The following CAMTA1 variants were observed in gnomAD, a reference collection of about 807,000 sequenced individuals.
CAMTA1 encodes calmodulin binding transcription activator 1.
Under a neutral mutation model 170.9 loss-of-function variants are expected in CAMTA1, and 27 were observed. The ratio of observed to expected loss-of-function variants is 0.16; its 90% CI spans 0.12 to 0.22. The LOEUF (loss-of-function observed/expected upper bound fraction) is 0.22. CAMTA1 is among the 10% of genes least tolerant of loss of function. CAMTA1 has a pLI of 1.00. For missense variants in CAMTA1, 1,619 were observed against 2,217.2 expected, an observed-to-expected ratio of 0.73 and a Z score of 5.42; for synonymous variants, 833 against 891.5, an observed-to-expected ratio of 0.93 and a Z score of 1.17.
rs556242342 is a variant in CAMTA1, at chr1:7,145,367, A to G, written c.302+53996A>G. Among the ~76,000 whole-genome samples, 3 of 152,342 alleles carry G rather than the reference A, an allele frequency of 2.0e-5. No individual in the cohort carries two copies. In the South Asian group the frequency reaches 6.2e-4, roughly 32 times the overall value. On this transcript the variant is annotated intron_variant, in intron 4 of 22. Transcript: ENST00000303635. ...ATGGAAACTACTAAAGACTTCAAAA[A>G]AGGGTTTAATTCAATGTGAGGTTCT...
chr1:7,741,153 G>A (rs2096810123), intron 16 of CAMTA1, among the ~76,000 whole-genome samples: 2 of 152,224 alleles, frequency 1.3e-5, no homozygotes, highest in Non-Finnish European at 2.9e-5. Flanking sequence ...AAACCAGGGA[G>A]TGTAGGGAAA....
At chr1:7,047,253 C>T (rs184004861) in intron 3 of CAMTA1, among the ~76,000 whole-genome samples, 1 of 152,302 alleles carries the variant, frequency 6.6e-6, no homozygotes, top group Non-Finnish European at 1.5e-5. Context: ...GTTATTGTTA[C>T]TGCAGTATAA....
At chr1:7,129,381 T>C (rs1186029451) in intron 4 of CAMTA1, among the ~76,000 whole-genome samples, 1 of 152,122 alleles carries the variant, frequency 6.6e-6, no homozygotes, top group Non-Finnish European at 1.5e-5. Flanking sequence ...CAGGTTGCTG[T>C]CTCTCTCTCC....
intron 11 of CAMTA1, among the ~76,000 whole-genome samples, chr1:7,728,525 T>A (rs1444632019): frequency 6.6e-6 from 1 of 152,204 alleles, no homozygotes; most frequent in Non-Finnish European, 1.5e-5. Context: ...GTTAACCAGA[T>A]GCAAGATTTG....
At chr1:7,324,209 C>A (rs1678920203) in intron 5 of CAMTA1, among the ~76,000 whole-genome samples, 1 of 152,084 alleles carries the variant, frequency 6.6e-6, no homozygotes, top group South Asian at 2.1e-4. Flanking sequence ...TTGTAACTTC[C>A]TCTTGAATAT....
Position 6,785,544 on chromosome 1 carries a change from AG to A in CAMTA1, c.18del (p.Lys7AsnfsTer31). The A allele has an allele frequency of 9.3e-7, 1 of 1,073,068 alleles. No individual in the cohort carries two copies. Among genetic ancestry groups the A allele is most frequent in the Non-Finnish European group, 1.1e-6 (1 of 871,788 alleles). 66.5% of individuals were successfully genotyped at this position (1,073,068 alleles called of 1,614,324 possible). ...AGGAGGAGGAGGATGTGGCGCGCGG[AG>A]GGGAAATGGCTGCCGAAAACAAGCC... MWRA[E>X]GKWLPKTSRK... On this transcript the variant is annotated frameshift_variant, in exon 1 of 23. Coordinates refer to ENST00000303635, the MANE Select transcript of CAMTA1 (RefSeq NM_015215.4). LOFTEE classifies it high-confidence loss of function.
intron 4 of CAMTA1, among the ~76,000 whole-genome samples, chr1:7,097,969 C>G (rs530977922): frequency 9.8e-5 from 15 of 152,298 alleles, no homozygotes; most frequent in African/African-American, 3.1e-4. Flanking sequence ...TGAACTTACA[C>G]TTAAAAATGG....
chr1:7,080,938 T>C (rs1300309083), intron 3 of CAMTA1, among the ~76,000 whole-genome samples: 1 of 152,222 alleles, frequency 6.6e-6, no homozygotes, highest in Non-Finnish European at 1.5e-5. Context: ...ATCTCTAGGC[T>C]GAGGAAAAGC....
chr1:6,930,751 C>G (rs1034766279), intron 3 of CAMTA1, among the ~76,000 whole-genome samples: 8 of 152,224 alleles, frequency 5.3e-5, no homozygotes, highest in African/African-American at 1.9e-4. Flanking sequence ...CATCTCTGGT[C>G]TCTGGGGCTC....
Position 6,800,183 on chromosome 1 carries a change from A to T in CAMTA1, c.45+14608A>T, listed in dbSNP as rs190000448. ...CACTTTGGGAGGCCGAGACGGGAGG[A>T]TTGCTTTAGCCCTGGAGTTCGAGAC... is the stretch of plus-strand genomic sequence containing the variant. On this transcript the variant is annotated intron_variant, in intron 1 of 22. Transcript: ENST00000303635. Among the ~76,000 whole-genome samples, 24 of 152,018 alleles carry T rather than the reference A, an allele frequency of 1.6e-4. No individual in the cohort carries two copies. The East Asian group carries it at 4.3e-3, about 27-fold the overall frequency.
intron 5 of CAMTA1, among the ~76,000 whole-genome samples, chr1:7,423,896 ACT>A (rs2091729078): frequency 6.6e-6 from 1 of 152,006 alleles, no homozygotes; most frequent in Admixed American, 6.6e-5. Context: ...GAGGGGAGGG[ACT>A]CTGAATGCTG....
At chr1:6,978,657 A>G (rs1693904288) in intron 3 of CAMTA1, among the ~76,000 whole-genome samples, 1 of 149,528 alleles carries the variant, frequency 6.7e-6, no homozygotes, top group South Asian at 2.1e-4. Flanking sequence ...TATATAGTTA[A>G]TATTATATTT....
At chr1:6,809,317 G>A (rs1247774171) in intron 1 of CAMTA1, among the ~76,000 whole-genome samples, 4 of 152,108 alleles carry the variant, frequency 2.6e-5, no homozygotes, top group South Asian at 2.1e-4. Flanking sequence ...GTGAGCCACC[G>A]CGCCTGGCCG....
chr1:7,601,352 G>A (rs2095440926), intron 6 of CAMTA1, among the ~76,000 whole-genome samples: 1 of 151,796 alleles, frequency 6.6e-6, no homozygotes, highest in Non-Finnish European at 1.5e-5. Context: ...GGGGCGGCAG[G>A]GCAGAGGCGC....
At chr1:7,453,850 CTT>C (rs1434048446) in intron 5 of CAMTA1, among the ~76,000 whole-genome samples, 1 of 152,212 alleles carries the variant, frequency 6.6e-6, no homozygotes, top group Admixed American at 6.5e-5. Flanking sequence ...GCTGTGGAGT[CTT>C]TGCTCACTCA....
At chr1:7,341,953 T>G (rs2083865378) in intron 5 of CAMTA1, among the ~76,000 whole-genome samples, 1 of 152,202 alleles carries the variant, frequency 6.6e-6, no homozygotes, top group Non-Finnish European at 1.5e-5. Context: ...AGAATCCTTC[T>G]GAGTGTAAGC....
intron 3 of CAMTA1, among the ~76,000 whole-genome samples, chr1:6,855,452 C>T (rs1042837799): frequency 2.0e-5 from 3 of 151,656 alleles, no homozygotes; most frequent in African/African-American, 7.3e-5. Context: ...CTTACATCGC[C>T]AGAGCAGGAG....
chr1:7,509,429 G>A (rs921952560), intron 6 of CAMTA1, among the ~76,000 whole-genome samples: 3 of 152,186 alleles, frequency 2.0e-5, no homozygotes, highest in African/African-American at 7.2e-5. Context: ...ACACGGGTTT[G>A]ATTTCTAAAC....
intron 5 of CAMTA1, among the ~76,000 whole-genome samples, chr1:7,372,921 C>G (rs1290738073): frequency 2.0e-5 from 3 of 152,188 alleles, no homozygotes; most frequent in African/African-American, 7.2e-5. Context: ...GGGCCAGGCC[C>G]CATTGAAGTG....
Sources: gnomAD v4.1 joint callset for allele counts (sites outside exome capture counted in the v4.1 genomes callset) on GRCh38, gnomAD v4.1.1 for gene constraint, MANE v1.5 for transcripts, NCBI Gene and HGNC (gene_info 2026-07-23, HGNC 2026-07-21) for gene names.